The following RAB3C variants were observed in gnomAD, a reference collection of about 807,000 sequenced individuals.
The protein encoded by RAB3C is RAB3C, member RAS oncogene family.
In RAB3C, 17 loss-of-function variants were observed where a neutral mutation model predicts 26.4. The ratio of observed to expected loss-of-function variants is 0.64; its 90% CI spans 0.44 to 0.97. The LOEUF is 0.97. Among genes scored for constraint, RAB3C ranks in the 50% least tolerant of loss-of-function variants. The pLI, the probability that RAB3C is intolerant of heterozygous loss-of-function variation, is 0.00. For synonymous variants in RAB3C, 91 were observed against 95.9 expected (o/e 0.95, Z 0.30); for missense variants, 242 against 281.9 (o/e 0.86, Z 1.01).
rs779097196 is a variant in RAB3C at position 58,616,010 on chromosome 5, A to ACACACACACACACC, written c.25-1632_25-1631insACACACACACACCC. 8.0e-4 allele frequency among the ~76,000 whole-genome samples: 120 copies of ACACACACACACACC among 149,592 alleles called. 1 individual carries two copies. The highest frequency in any genetic ancestry group is 2.5e-3 in the African/African-American group (102 of 40,392). On this transcript the variant is annotated intron_variant, in intron 1 of 4. Transcript: ENST00000282878. The stretch of plus-strand genomic sequence containing the variant: ...GACACACACACACACACACACACAC[A>ACACACACACACACC]CCCCTGACTTCAGGTAACCAGTGTT...
At chr5:58,738,427 A>G (rs1025694185) in intron 3 of RAB3C, among the ~76,000 whole-genome samples, 3 of 152,170 alleles carry the variant, frequency 2.0e-5, no homozygotes, top group African/African-American at 7.2e-5. Flanking sequence ...GTGTGTGTGC[A>G]TGCGTGTAAC....
intron 4 of RAB3C, among the ~76,000 whole-genome samples, chr5:58,833,324 T>TCACACACACA (rs571940681): frequency 0.017 from 2,334 of 141,024 alleles, 21 homozygotes; most frequent in East Asian, 0.026. Context: ...ACGGACCCCA[T>TCACACACACA]CACACACACA....
intron 2 of RAB3C, among the ~76,000 whole-genome samples, chr5:58,672,643 A>G (rs1240905065): frequency 6.6e-6 from 1 of 152,178 alleles, no homozygotes; most frequent in Non-Finnish European, 1.5e-5. Flanking sequence ...TTGAGATATA[A>G]TTGACAAATA....
intron 2 of RAB3C, among the ~76,000 whole-genome samples, chr5:58,671,231 A>T (rs1158147935): frequency 3.9e-5 from 6 of 152,234 alleles, no homozygotes; most frequent in South Asian, 2.1e-4. Flanking sequence ...CTATGTTTTT[A>T]AAAAAATTCT....
chr5:58,582,509 C>A, upstream of RAB3C: 2 of 635,226 alleles, frequency 3.1e-6, no homozygotes, highest in Non-Finnish European at 3.9e-6. Flanking sequence ...TATGTACGCG[C>A]GCGCGACTTC....
chr5:58,673,796 A>G (rs563421105), intron 2 of RAB3C, among the ~76,000 whole-genome samples: 2 of 152,346 alleles, frequency 1.3e-5, no homozygotes, highest in South Asian at 2.1e-4. Context: ...ATGAGGCACA[A>G]GGCTGTTTCA....
chr5:58,742,092 T>C (rs1741288129), intron 3 of RAB3C: 1 of 152,006 alleles, frequency 6.6e-6, no homozygotes, highest in Admixed American at 6.5e-5. Context: ...ATTCTCCAGA[T>C]ACCCCGTAAA....
At chr5:58,833,470 T>C (rs1743666782) in intron 4 of RAB3C, among the ~76,000 whole-genome samples, 1 of 152,050 alleles carries the variant, frequency 6.6e-6, no homozygotes, top group Non-Finnish European at 1.5e-5. Flanking sequence ...ATTTAGGCCC[T>C]CACCATGTCT....
At chr5:58,821,681 C>A (rs1407985585) in intron 3 of RAB3C, among the ~76,000 whole-genome samples, 1 of 152,094 alleles carries the variant, frequency 6.6e-6, no homozygotes, top group African/African-American at 2.4e-5. Flanking sequence ...CTGAGATGTC[C>A]AGGTGGAATC....
At chr5:58,766,474 A>G (rs1741909384) in intron 3 of RAB3C, among the ~76,000 whole-genome samples, 1 of 152,206 alleles carries the variant, frequency 6.6e-6, no homozygotes, top group Non-Finnish European at 1.5e-5. Context: ...AAAGTCCAGA[A>G]ATAAGGCTGT....
chr5:58,774,326 T>C lies in RAB3C; in HGVS notation c.371+48206T>C, dbSNP rs116340802. Among the ~76,000 whole-genome samples, 1,021 of 152,258 alleles carry C rather than the reference T, an allele frequency of 6.7e-3. 14 individuals are homozygous for C. The highest frequency in any genetic ancestry group is 0.024 in the African/African-American group (979 of 41,546). On this transcript the variant is annotated intron_variant, in intron 3 of 4. Coordinates refer to ENST00000282878, the MANE Select transcript of RAB3C (RefSeq NM_138453.4). ...GTGCTTCCACCTAAGCTCTTGATTC[T>C]ATTAATATCTGCTCCCCTCTCCTCT...
At chr5:58,797,567 T>C (rs1579923906) in intron 3 of RAB3C, among the ~76,000 whole-genome samples, 2 of 151,596 alleles carry the variant, frequency 1.3e-5, no homozygotes, top group East Asian at 1.9e-4. Context: ...CTTCCCTCCA[T>C]AGAGATAGAG....
chr5:58,649,986 T>C (rs1747609644), intron 2 of RAB3C, among the ~76,000 whole-genome samples: 1 of 152,224 alleles, frequency 6.6e-6, no homozygotes, highest in South Asian at 2.1e-4. Context: ...CTGTCTATGG[T>C]GACCTCTAAT....
intron 3 of RAB3C, among the ~76,000 whole-genome samples, chr5:58,750,707 A>G (rs936586290): frequency 1.4e-4 from 21 of 152,214 alleles, no homozygotes; most frequent in Non-Finnish European, 2.8e-4. Flanking sequence ...AGTTGTATTA[A>G]TCAGATTGCA....
At chr5:58,734,718 G>A (rs1041802312) in intron 3 of RAB3C, among the ~76,000 whole-genome samples, 2 of 152,034 alleles carry the variant, frequency 1.3e-5, no homozygotes, top group Non-Finnish European at 2.9e-5. Context: ...TAAAATCTTC[G>A]GAGTTAATCT....
At chr5:58,691,192 T>C (rs1030736932) in intron 2 of RAB3C, among the ~76,000 whole-genome samples, 1 of 152,138 alleles carries the variant, frequency 6.6e-6, no homozygotes, top group Non-Finnish European at 1.5e-5. Context: ...GAATTTCCCA[T>C]AGGGCTACTA....
chr5:58,615,985 GACACAC>G (rs58004467), intron 1 of RAB3C, among the ~76,000 whole-genome samples: 4 of 149,536 alleles, frequency 2.7e-5, no homozygotes, highest in Non-Finnish European at 5.9e-5. Flanking sequence ...CACACACACA[GACACAC>G]ACACACACAC....
At chr5:58,664,334 T>G (rs1318156963) in intron 2 of RAB3C, among the ~76,000 whole-genome samples, 1 of 152,198 alleles carries the variant, frequency 6.6e-6, no homozygotes, top group African/African-American at 2.4e-5. Context: ...TGGATGAATC[T>G]TCAGGGAATT....
At chr5:58,700,343 C>T (rs1748815231) in intron 2 of RAB3C, among the ~76,000 whole-genome samples, 1 of 152,214 alleles carries the variant, frequency 6.6e-6, no homozygotes, top group Non-Finnish European at 1.5e-5. Flanking sequence ...TGATTCTCTA[C>T]ATGTTCACGT....
Sources: gnomAD v4.1 joint callset for allele counts (sites outside exome capture counted in the v4.1 genomes callset) on GRCh38, gnomAD v4.1.1 for gene constraint, MANE v1.5 for transcripts, NCBI Gene and HGNC (gene_info 2026-07-23, HGNC 2026-07-21) for gene names.